Variants in LASP1 observed in about 807,000 individuals in gnomAD.
LASP1 encodes LIM and SH3 domain protein 1.
In LASP1, 10 loss-of-function variants were observed where a neutral mutation model predicts 38.6. The observed-to-expected ratio is 0.26, with a 90% confidence interval of 0.16 to 0.44. The LOEUF (loss-of-function observed/expected upper bound fraction) is 0.44, where lower values mean the gene tolerates loss of function less well. LASP1 is among the 20% of genes least tolerant of loss of function. The pLI, the probability that LASP1 is intolerant of heterozygous loss-of-function variation, is 1.00. For synonymous variants in LASP1, 132 were observed against 140.8 expected (o/e 0.94, Z 0.44); for missense variants, 243 against 375.7 (o/e 0.65, Z 2.92).
At chr17:38,870,316 G>A (rs1395830240) in intron 1 of LASP1, 58 bp downstream of exon 1, 2 of 1,588,158 alleles carry the variant, frequency 1.3e-6, no homozygotes, top group South Asian at 1.1e-5. Context: ...CCGAATCCAG[G>A]GAGGAGAGAA....
chr17:38,870,297 C>G (rs745666639), intron 1 of LASP1, 39 bp downstream of exon 1: 3 of 1,602,548 alleles, frequency 1.9e-6, no homozygotes, highest in Non-Finnish European at 1.7e-6. Flanking sequence ...TGCAATCCCC[C>G]GCAGTGCTCC....
At chr17:38,914,559 A>T in intron 5 of LASP1, 84 bp downstream of exon 5, 3 of 1,460,456 alleles carry the variant, frequency 2.1e-6, no homozygotes, top group Non-Finnish European at 2.8e-6. Context: ...AGACAGACAG[A>T]TACACCTTCC....
intron 6 of LASP1, 67 bp downstream of exon 6, chr17:38,915,213 C>T (rs773652689): frequency 2.1e-5 from 26 of 1,258,764 alleles, no homozygotes; most frequent in South Asian, 9.8e-5. Flanking sequence ...TTGGACACAG[C>T]TCATGGATTC....
intron 3 of LASP1, among the ~76,000 whole-genome samples, chr17:38,897,940 C>T (rs1460691751): frequency 4.6e-5 from 7 of 152,172 alleles, no homozygotes. Context: ...CCCTGGGAGC[C>T]CTGGAAAGAA....
At chr17:38,904,824 C>T (rs527932558) in intron 4 of LASP1, among the ~76,000 whole-genome samples, 9 of 152,266 alleles carry the variant, frequency 5.9e-5, no homozygotes, top group African/African-American at 2.2e-4. Context: ...TGGGCCTAAT[C>T]AATAGTAAAT....
intron 4 of LASP1, among the ~76,000 whole-genome samples, chr17:38,902,742 G>A (rs1421863398): frequency 2.0e-5 from 3 of 151,570 alleles, no homozygotes; most frequent in Non-Finnish European, 2.9e-5. Context: ...TCGCTCTGTC[G>A]CCCAGGCTGG....
At chr17:38,891,399 G>T (rs1005951385) in intron 3 of LASP1, among the ~76,000 whole-genome samples, 1 of 152,054 alleles carries the variant, frequency 6.6e-6, no homozygotes, top group African/African-American at 2.4e-5. Context: ...GTGACTGCCC[G>T]GGTCCATCAG....
chr17:38,905,001 A>C (rs1268565741), intron 4 of LASP1, among the ~76,000 whole-genome samples: 3 of 152,174 alleles, frequency 2.0e-5, no homozygotes, highest in Non-Finnish European at 4.4e-5. Context: ...ACACAGAGTA[A>C]TTTTGTGTAT....
chr17:38,900,197 C>CAAA (rs56008544), intron 4 of LASP1, among the ~76,000 whole-genome samples: 195 of 66,190 alleles, frequency 2.9e-3, no homozygotes, highest in African/African-American at 5.8e-3. Flanking sequence ...ACTGTTTCTA[C>CAAA]AAAAAAAAAA....
intron 2 of LASP1, among the ~76,000 whole-genome samples, chr17:38,881,754 T>A (rs1913959415): frequency 6.6e-6 from 1 of 151,976 alleles, no homozygotes; most frequent in South Asian, 2.1e-4. Flanking sequence ...ACCCAGTGAG[T>A]GTGTGAGTTT....
chr17:38,876,552 C>A (rs373332483), intron 1 of LASP1, among the ~76,000 whole-genome samples: 2 of 151,236 alleles, frequency 1.3e-5, no homozygotes, highest in African/African-American at 4.9e-5. Context: ...TTAGTAGATA[C>A]GGGGTTTCAC....
intron 3 of LASP1, among the ~76,000 whole-genome samples, chr17:38,892,880 G>T (rs1914375640): frequency 6.6e-6 from 1 of 152,038 alleles, no homozygotes; most frequent in East Asian, 1.9e-4. Context: ...TGGGTTCCCG[G>T]GGGGGCCTCT....
chr17:38,898,011 G>C (rs905797431), intron 3 of LASP1, among the ~76,000 whole-genome samples: 1 of 152,250 alleles, frequency 6.6e-6, no homozygotes, highest in Non-Finnish European at 1.5e-5. Flanking sequence ...GAGTCAGGCA[G>C]ATGAGGGTTT....
At chr17:38,874,774 G>A (rs1913713408) in intron 1 of LASP1, among the ~76,000 whole-genome samples, 1 of 152,162 alleles carries the variant, frequency 6.6e-6, no homozygotes, top group African/African-American at 2.4e-5. Flanking sequence ...GGGCCTGTGA[G>A]GGAGGTGGGA....
intron 3 of LASP1, among the ~76,000 whole-genome samples, chr17:38,897,261 G>A (rs755045338): frequency 8.5e-5 from 13 of 152,238 alleles, no homozygotes; most frequent in Non-Finnish European, 1.3e-4. Context: ...CATGTGCAGA[G>A]GACCTGACAG....
intron 2 of LASP1, among the ~76,000 whole-genome samples, chr17:38,880,614 T>TA (rs1453089444): frequency 6.6e-6 from 1 of 152,212 alleles, no homozygotes; most frequent in Admixed American, 6.5e-5. Flanking sequence ...GAGAGAGACC[T>TA]GGGGGCTTTG....
chr17:38,880,301 G>A (rs226212), intron 2 of LASP1, among the ~76,000 whole-genome samples: 93,342 of 152,172 alleles, frequency 0.61, 28,940 homozygotes, highest in South Asian at 0.77. Context: ...TTTTCTCTGC[G>A]TTTTATCAGC....
In LASP1 at chr17:38,918,566, G is replaced by C. The variant is rs779890548; in HGVS notation, c.613-39G>C. 6.5e-7 allele frequency: 1 copy of C among 1,535,162 alleles called. No homozygotes were observed. The highest frequency in any genetic ancestry group is 8.8e-7 in the Non-Finnish European group (1 of 1,136,116). On this transcript the variant is annotated intron_variant, in intron 6 of 6. Transcript: ENST00000318008. The surrounding 1 kb of genome is among the most constrained non-coding windows in gnomAD (Gnocchi z 4.4). ...AAAAATGCTCAGACCCAGGTGAGCCGGCATGCAGGGCCCTAGGCTGACCAC... is the reference window on the plus strand; with the variant it reads ...AAAAATGCTCAGACCCAGGTGAGCCCGCATGCAGGGCCCTAGGCTGACCAC...
chr17:38,878,254 C>T, intron 2 of LASP1, 74 bp downstream of exon 2: 1 of 953,844 alleles, frequency 1.0e-6, no homozygotes, highest in Non-Finnish European at 1.7e-6. Flanking sequence ...CCTTTCCTTC[C>T]AATAACCGCA....
Sources: gnomAD v4.1 joint callset for allele counts (sites outside exome capture counted in the v4.1 genomes callset) on GRCh38, gnomAD v4.1.1 for gene constraint, Gnocchi (gnomAD v3.1) non-coding constraint, MANE v1.5 for transcripts, NCBI Gene and HGNC (gene_info 2026-07-23, HGNC 2026-07-21) for gene names.